The following ZDHHC20 variants were observed in gnomAD, a reference collection of about 807,000 sequenced individuals.
ZDHHC20 encodes the protein zDHHC palmitoyltransferase 20, also known as palmitoyltransferase ZDHHC20.
Under a neutral mutation model 57.8 loss-of-function variants are expected in ZDHHC20, and 43 were observed. That is an observed-to-expected ratio of 0.74 (90% CI 0.58 to 0.96). The LOEUF (loss-of-function observed/expected upper bound fraction) is 0.96, where lower values mean the gene tolerates loss of function less well. ZDHHC20 is among the 40% of genes least tolerant of loss of function. The probability of loss-of-function intolerance (pLI) is 0.00; values close to 1 mark genes in which losing one functional copy is unlikely to be tolerated. For missense variants in ZDHHC20, 391 were observed against 441.1 expected, an observed-to-expected ratio of 0.89 and a Z score of 1.02; for synonymous variants, 157 against 153.0, an observed-to-expected ratio of 1.03 and a Z score of -0.19.
intron 1 of ZDHHC20, among the ~76,000 whole-genome samples, chr13:21,455,610 CTCAG>C (rs1884850639): frequency 1.3e-5 from 2 of 150,626 alleles, no homozygotes; most frequent in African/African-American, 4.9e-5. Flanking sequence ...CAATTTTGTC[CTCAG>C]TATTACTCCC....
chr13:21,443,353 G>A (rs953197002), intron 1 of ZDHHC20, among the ~76,000 whole-genome samples: 5 of 152,118 alleles, frequency 3.3e-5, no homozygotes, highest in Non-Finnish European at 7.4e-5. Flanking sequence ...TCCCACTCGG[G>A]ATAGGGTTCT....
At chr13:21,416,062 G>T (rs1486811174) in intron 3 of ZDHHC20, among the ~76,000 whole-genome samples, 1 of 152,104 alleles carries the variant, frequency 6.6e-6, no homozygotes, top group African/African-American at 2.4e-5. Context: ...AAAATTAGCT[G>T]GGTGTGGTGG....
chr13:21,383,080 T>C (rs776678440), intron 9 of ZDHHC20, 71 bp from the exon 10 acceptor site: 53 of 1,327,470 alleles, frequency 4.0e-5, no homozygotes, highest in Non-Finnish European at 5.3e-5. Context: ...TTAACACTCA[T>C]TTTTCAGAGA....
At chr13:21,438,121 C>T (rs1882744565) in intron 1 of ZDHHC20, among the ~76,000 whole-genome samples, 1 of 152,204 alleles carries the variant, frequency 6.6e-6, no homozygotes, top group South Asian at 2.1e-4. Flanking sequence ...CAAGGAGATT[C>T]ATGTTGTTTT....
rs114133107 is a variant in ZDHHC20, at chr13:21,407,458, G to A, written c.371-4592C>T. ...TGAAAAGTGTCTGTTCATACCCTTCGCCCACATTTTGATGAGGTTGTTTTT... is the reference window on the plus strand; with the variant it reads ...TGAAAAGTGTCTGTTCATACCCTTCACCCACATTTTGATGAGGTTGTTTTT... On this transcript the variant is annotated intron_variant, in intron 4 of 12. Transcript: ENST00000400590. Among the ~76,000 whole-genome samples the A allele has an allele frequency of 9.6e-3, 1,455 of 152,182 alleles. 18 individuals are homozygous for A. The highest frequency in any genetic ancestry group is 0.033 in the African/African-American group (1,373 of 41,492).
At chr13:21,441,111 C>T (rs1883103627) in intron 1 of ZDHHC20, among the ~76,000 whole-genome samples, 1 of 152,114 alleles carries the variant, frequency 6.6e-6, no homozygotes, top group Non-Finnish European at 1.5e-5. Context: ...CCTCTGGTAT[C>T]CACTTGTCTA....
chr13:21,377,775 G>A (rs1249540633), intron 12 of ZDHHC20: 2 of 154,178 alleles, frequency 1.3e-5, no homozygotes, highest in Admixed American at 6.5e-5. Context: ...CTGAGGACAA[G>A]CCCACAAGTG....
At chr13:21,435,053 A>G (rs1882400597) in intron 1 of ZDHHC20, among the ~76,000 whole-genome samples, 1 of 152,212 alleles carries the variant, frequency 6.6e-6, no homozygotes, top group Non-Finnish European at 1.5e-5. Context: ...TTATACTTCT[A>G]CCAGCAATGA....
intron 7 of ZDHHC20, among the ~76,000 whole-genome samples, chr13:21,392,283 AT>A (rs890791021): frequency 2.6e-5 from 4 of 151,946 alleles, no homozygotes; most frequent in African/African-American, 9.7e-5. Context: ...TACCCAACAA[AT>A]TTTCTTTTGT....
At chr13:21,446,867 G>A (rs1422761893) in intron 1 of ZDHHC20, among the ~76,000 whole-genome samples, 4 of 152,116 alleles carry the variant, frequency 2.6e-5, no homozygotes, top group African/African-American at 9.7e-5. Flanking sequence ...TCTTAAGCTA[G>A]AGATAAAATT....
At chr13:21,392,617 G>A (rs1170047242) in intron 7 of ZDHHC20, among the ~76,000 whole-genome samples, 1 of 152,148 alleles carries the variant, frequency 6.6e-6, no homozygotes, top group East Asian at 1.9e-4. Flanking sequence ...TTTAACAGAA[G>A]CAAACTAGAG....
rs1871419056 is a variant in ZDHHC20 at position 21,372,829 on chromosome 13, A to G, written c.*3867T>C. On this transcript the variant is annotated 3_prime_UTR_variant, in exon 13 of 13. Transcript: ENST00000400590. The stretch of plus-strand genomic sequence containing the variant: ...AAAGCATATTAAAGCTCACTTTAAA[A>G]TAGTGTCCATCTTTTCTTTTAAACG... The G allele has an allele frequency of 6.6e-6, 1 of 152,214 alleles. No homozygotes were observed. Among genetic ancestry groups the G allele is most frequent in the African/African-American group, 2.4e-5 (1 of 41,460 alleles). The allele number at this position is 152,214 out of a possible 1,614,324, so 9.4% of individuals were successfully genotyped here.
intron 1 of ZDHHC20, among the ~76,000 whole-genome samples, chr13:21,429,909 T>G (rs1881717732): frequency 6.6e-6 from 1 of 152,212 alleles, no homozygotes; most frequent in Admixed American, 6.5e-5. Context: ...TTTTAAAATT[T>G]TGGCTATTGT....
intron 10 of ZDHHC20, among the ~76,000 whole-genome samples, chr13:21,382,506 ATTATT>A (rs1593172468): frequency 6.6e-6 from 1 of 152,198 alleles, no homozygotes; most frequent in Non-Finnish European, 1.5e-5. Context: ...TTGAATCCTC[ATTATT>A]TTGATAGTAT....
At chr13:21,393,699 C>CAAAAAAAAAAAAAAAAAAAAAAAAAA (rs71093307) in intron 7 of ZDHHC20, among the ~76,000 whole-genome samples, 2 of 63,392 alleles carry the variant, frequency 3.2e-5, no homozygotes, top group African/African-American at 1.5e-4. Context: ...GCAAGTCTCA[C>CAAAAAAAAAAAAAAAAAAAAAAAAAA]AAAAAAAAAA....
At chr13:21,440,624 C>T (rs967575049) in intron 1 of ZDHHC20, among the ~76,000 whole-genome samples, 1 of 117,480 alleles carries the variant, frequency 8.5e-6, no homozygotes, top group Non-Finnish European at 2.1e-5. Flanking sequence ...AACAAACAAA[C>T]AAAAAGTGTG....
At chr13:21,457,370 C>T (rs778545538) in intron 1 of ZDHHC20, among the ~76,000 whole-genome samples, 17 of 152,132 alleles carry the variant, frequency 1.1e-4, no homozygotes, top group African/African-American at 2.7e-4. Flanking sequence ...AATAAATGCC[C>T]ACTTCAGAGT....
intron 8 of ZDHHC20, among the ~76,000 whole-genome samples, chr13:21,389,488 G>C (rs1386294311): frequency 6.6e-6 from 1 of 152,100 alleles, no homozygotes; most frequent in African/African-American, 2.4e-5. Context: ...ACTTTTGCTT[G>C]TTTTATTTAT....
chr13:21,453,565 A>C (rs1194371536), intron 1 of ZDHHC20, among the ~76,000 whole-genome samples: 1 of 152,184 alleles, frequency 6.6e-6, no homozygotes, highest in Non-Finnish European at 1.5e-5. Context: ...CAGACAGACC[A>C]CATTCTGGGC....
Sources: gnomAD v4.1 joint callset for allele counts (sites outside exome capture counted in the v4.1 genomes callset) on GRCh38, gnomAD v4.1.1 for gene constraint, MANE v1.5 for transcripts, NCBI Gene and HGNC (gene_info 2026-07-23, HGNC 2026-07-21) for gene names.